The following CCDC7 variants were observed in gnomAD, a reference collection of about 807,000 sequenced individuals.
CCDC7 encodes coiled-coil domain containing 7.
A neutral mutation model predicts 196.9 loss-of-function variants in CCDC7; 183 were observed. The ratio of observed to expected loss-of-function variants is 0.93; its 90% confidence interval spans 0.82 to 1.05. CCDC7 has a LOEUF of 1.05. CCDC7 is among the 50% of genes least tolerant of loss of function. The probability of loss-of-function intolerance (pLI) is 0.00; values close to 1 mark genes in which losing one functional copy is unlikely to be tolerated. For missense variants in CCDC7, 1,540 were observed against 1,482.2 expected (o/e 1.04, Z -0.64); for synonymous variants, 525 against 484.6 (o/e 1.08, Z -1.10).
At chr10:32,597,695 G>T (rs539404072) in intron 18 of CCDC7, among the ~76,000 whole-genome samples, 1 of 152,290 alleles carries the variant, frequency 6.6e-6, no homozygotes, top group South Asian at 2.1e-4. Flanking sequence ...CGCACAGATG[G>T]GGTTTGGTGT....
intron 24 of CCDC7, among the ~76,000 whole-genome samples, chr10:32,707,926 C>T (rs182431485): frequency 1.5e-3 from 223 of 152,274 alleles, no homozygotes; most frequent in African/African-American, 5.0e-3. Context: ...AATGCCATCC[C>T]CATCAAGCTA....
At chr10:32,881,916 C>T (rs898745987), downstream of CCDC7, among the ~76,000 whole-genome samples, 5 of 152,048 alleles carry the variant, frequency 3.3e-5, no homozygotes, top group African/African-American at 9.7e-5. Flanking sequence ...TCGAGGATCA[C>T]GACACAAGTT....
At chr10:32,722,546 C>G (rs1214242776) in intron 25 of CCDC7, among the ~76,000 whole-genome samples, 1 of 152,086 alleles carries the variant, frequency 6.6e-6, no homozygotes, top group African/African-American at 2.4e-5. Flanking sequence ...TTTGACATTC[C>G]TTGGCTTCTA....
intron 6 of CCDC7, 35 bp from the exon 8 acceptor site, chr10:32,472,446 T>C: frequency 3.9e-6 from 6 of 1,533,008 alleles, no homozygotes; most frequent in Non-Finnish European, 5.3e-6. Context: ...CTCTTTGATA[T>C]ATTAAAAAAT....
chr10:32,620,084 G>A (rs1328318773), intron 18 of CCDC7, among the ~76,000 whole-genome samples: 1 of 151,476 alleles, frequency 6.6e-6, no homozygotes, highest in Non-Finnish European at 1.5e-5. Context: ...CACCACACTC[G>A]GCTAATTTTT....
chr10:32,764,753 G>A (rs926866140), intron 28 of CCDC7, among the ~76,000 whole-genome samples: 5 of 152,004 alleles, frequency 3.3e-5, no homozygotes, highest in Admixed American at 3.3e-4. Flanking sequence ...CAGCCCTGTG[G>A]TTGCTCTTCT....
chr10:32,664,248 CTACA>C, intron 21 of CCDC7, 87 bp downstream of exon 22: 1 of 376,024 alleles, frequency 2.7e-6, no homozygotes, highest in Non-Finnish European at 4.7e-6. Context: ...TCATCATGTA[CTACA>C]TAGTGTTTTA....
chr10:32,609,725 C>T (rs2061899896), intron 18 of CCDC7, among the ~76,000 whole-genome samples: 1 of 152,060 alleles, frequency 6.6e-6, no homozygotes, highest in Non-Finnish European at 1.5e-5. Flanking sequence ...GGTTTAGCAC[C>T]ATCCTCTTAG....
At chr10:32,804,460 G>A (rs995451224) in intron 29 of CCDC7, among the ~76,000 whole-genome samples, 9 of 152,160 alleles carry the variant, frequency 5.9e-5, no homozygotes, top group Middle Eastern at 3.4e-3. Flanking sequence ...ATTTTCCATC[G>A]CTGGTGCTTA....
intron 18 of CCDC7, among the ~76,000 whole-genome samples, chr10:32,586,528 A>G (rs963245649): frequency 1.3e-5 from 2 of 152,172 alleles, no homozygotes; most frequent in Non-Finnish European, 2.9e-5. Context: ...TAAGTCTTTA[A>G]TCCATCTCGA....
chr10:32,681,738 TAC>T (rs57829018), intron 21 of CCDC7, among the ~76,000 whole-genome samples: 14,081 of 137,422 alleles, frequency 0.1, 709 homozygotes, highest in African/African-American at 0.11. Context: ...TTTATATGTA[TAC>T]ACACACACAC....
chr10:32,556,158 C>T (rs965970165), intron 13 of CCDC7, among the ~76,000 whole-genome samples: 3 of 152,144 alleles, frequency 2.0e-5, no homozygotes, highest in Middle Eastern at 3.2e-3. Flanking sequence ...CATTTGTAGT[C>T]TGCCACAGTG....
intron 31 of CCDC7, among the ~76,000 whole-genome samples, chr10:32,820,181 A>ACAG (rs2089871582): frequency 1.3e-5 from 2 of 152,012 alleles, no homozygotes; most frequent in African/African-American, 4.8e-5. Context: ...AACAGACAGA[A>ACAG]AGCCAAATCA....
chr10:32,720,074 T>C (rs146073986), intron 25 of CCDC7, among the ~76,000 whole-genome samples: 2 of 152,262 alleles, frequency 1.3e-5, no homozygotes, highest in East Asian at 3.9e-4. Context: ...ATTATTATAC[T>C]ATAAAGACAC....
chr10:32,558,076 G>A (rs2054658015), intron 13 of CCDC7, among the ~76,000 whole-genome samples: 1 of 152,058 alleles, frequency 6.6e-6, no homozygotes, highest in Non-Finnish European at 1.5e-5. Flanking sequence ...TATTATGCTT[G>A]CTTTAAACAT....
intron 13 of CCDC7, among the ~76,000 whole-genome samples, chr10:32,552,698 A>G (rs2053670351): frequency 6.6e-6 from 1 of 152,202 alleles, no homozygotes; most frequent in Non-Finnish European, 1.5e-5. Flanking sequence ...CGCTAGATAC[A>G]AAATTCTTGG....
intron 16 of CCDC7, among the ~76,000 whole-genome samples, chr10:32,582,139 T>C (rs538123905): frequency 0.044 from 5,736 of 131,020 alleles, 341 homozygotes; most frequent in Middle Eastern, 0.056. Flanking sequence ...TATATATATA[T>C]ACTTTTTTTT....
At chr10:32,817,868 A>G (rs1173662739) in intron 31 of CCDC7, among the ~76,000 whole-genome samples, 4 of 152,242 alleles carry the variant, frequency 2.6e-5, no homozygotes, top group Non-Finnish European at 5.9e-5. Context: ...AACCGGTACC[A>G]GCCACGGCAA....
At chr10:32,694,885 A>T (rs2077514947) in exon 24 of CCDC7, 1 of 1,591,288 alleles carries the variant, frequency 6.3e-7, no homozygotes, top group Non-Finnish European at 8.6e-7. Flanking sequence ...GTAGCTCATG[A>T]TGAAGAACCA....
Sources: allele counts gnomAD v4.1 joint callset (sites outside exome capture counted in the v4.1 genomes callset), GRCh38; gene constraint gnomAD v4.1.1; transcripts MANE v1.5; gene names NCBI Gene and HGNC (gene_info 2026-07-23, HGNC 2026-07-21).